The following ZNF407 variants were observed in gnomAD, a reference collection of about 807,000 sequenced individuals.
ZNF407 encodes zinc finger protein 407.
Under a neutral mutation model 131.2 loss-of-function variants are expected in ZNF407, and 17 were observed. That is an observed-to-expected ratio of 0.13 (90% CI 0.09 to 0.19). The LOEUF is 0.19. Among genes scored for constraint, ZNF407 ranks in the 10% least tolerant of loss-of-function variants. The probability of loss-of-function intolerance (pLI) is 1.00; values close to 1 mark genes in which losing one functional copy is unlikely to be tolerated. For synonymous variants in ZNF407, 1,156 were observed against 1,062.0 expected, an observed-to-expected ratio of 1.09 and a Z score of -1.72; for missense variants, 2,681 against 2,830.6, an observed-to-expected ratio of 0.95 and a Z score of 1.20.
rs899632606 is a variant in ZNF407, at chr18:74,910,079, C to A, written c.5250-10435C>A. Among the ~76,000 whole-genome samples the A allele has an allele frequency of 4.6e-5, 7 of 152,212 alleles. No homozygotes were observed. In the East Asian group the frequency reaches 1.4e-3, roughly 29 times the overall value. On this transcript the variant is annotated intron_variant, in intron 7 of 8. Transcript: ENST00000299687. ...GTGTTACATGATTGGGCACATGTAGCTGGAGACAGAATCTCTAGTGACAAC... is the reference window on the plus strand; with the variant it reads ...GTGTTACATGATTGGGCACATGTAGATGGAGACAGAATCTCTAGTGACAAC...
At chr18:74,797,014 A>G (rs1352147182) in intron 4 of ZNF407, among the ~76,000 whole-genome samples, 1 of 152,194 alleles carries the variant, frequency 6.6e-6, no homozygotes, top group Non-Finnish European at 1.5e-5. Flanking sequence ...ACCTCAAGGA[A>G]TGGAATGGTA....
chr18:75,058,340 G>A (rs1234587556), intron 8 of ZNF407, among the ~76,000 whole-genome samples: 8 of 152,114 alleles, frequency 5.3e-5, no homozygotes, highest in Admixed American at 1.3e-4. Flanking sequence ...CAATGCATTC[G>A]GCTCTGAGAA....
intron 3 of ZNF407, among the ~76,000 whole-genome samples, chr18:74,656,141 A>G (rs921829916): frequency 6.6e-6 from 1 of 152,142 alleles, no homozygotes; most frequent in African/African-American, 2.4e-5. Context: ...ATTGTAACTA[A>G]TTAAAAGAAA....
chr18:74,970,194 G>T (rs373243457), intron 8 of ZNF407, among the ~76,000 whole-genome samples: 10 of 148,910 alleles, frequency 6.7e-5, no homozygotes, highest in South Asian at 6.5e-4. Context: ...CCCACAACAC[G>T]TGGGAATTCT....
At chr18:74,902,756 G>T (rs991803768) in intron 7 of ZNF407, among the ~76,000 whole-genome samples, 1 of 152,178 alleles carries the variant, frequency 6.6e-6, no homozygotes, top group Non-Finnish European at 1.5e-5. Context: ...TAGACTTAGG[G>T]AGCTCTGTAC....
chr18:74,601,531 C>T (rs1230510893), intron 1 of ZNF407, among the ~76,000 whole-genome samples: 3 of 152,206 alleles, frequency 2.0e-5, no homozygotes, highest in Non-Finnish European at 2.9e-5. Flanking sequence ...CACTGGCTCG[C>T]GGTTCTGCAG....
intron 8 of ZNF407, among the ~76,000 whole-genome samples, chr18:74,992,673 T>G (rs1246411857): frequency 2.0e-5 from 3 of 152,180 alleles, no homozygotes; most frequent in African/African-American, 7.2e-5. Context: ...CCTGGGACAG[T>G]TGGAGTTTGT....
chr18:74,696,716 G>T (rs1048090027), intron 3 of ZNF407, among the ~76,000 whole-genome samples: 1 of 152,056 alleles, frequency 6.6e-6, no homozygotes. Flanking sequence ...ATCAAAACTG[G>T]CAGTGGGTGC....
chr18:74,675,957 C>T (rs4380127), intron 3 of ZNF407, among the ~76,000 whole-genome samples: 159 of 152,044 alleles, frequency 1.0e-3, no homozygotes, highest in African/African-American at 3.6e-3. Context: ...AGTTGTTTTA[C>T]ACATCATTTA....
At chr18:74,810,890 T>C (rs1481002735) in intron 4 of ZNF407, among the ~76,000 whole-genome samples, 1 of 152,104 alleles carries the variant, frequency 6.6e-6, no homozygotes, top group African/African-American at 2.4e-5. Context: ...CCTAAAACCA[T>C]AAAAACCCTA....
intron 3 of ZNF407, among the ~76,000 whole-genome samples, chr18:74,648,108 A>G (rs1985058228): frequency 1.3e-5 from 2 of 152,164 alleles, no homozygotes; most frequent in South Asian, 4.1e-4. Context: ...TTTAGGGTTA[A>G]AAAGGTCAAA....
At chr18:74,964,269 A>G (rs991178661) in intron 8 of ZNF407, among the ~76,000 whole-genome samples, 1 of 152,198 alleles carries the variant, frequency 6.6e-6, no homozygotes, top group African/African-American at 2.4e-5. Context: ...GTGAGGGATC[A>G]TGTTATAGGG....
chr18:75,047,836 C>A (rs1466162614), intron 8 of ZNF407, among the ~76,000 whole-genome samples: 3 of 152,192 alleles, frequency 2.0e-5, no homozygotes, highest in Non-Finnish European at 2.9e-5. Flanking sequence ...GGAATTAATT[C>A]GGTACTGTCA....
chr18:74,730,212 G>A (rs866765519), intron 3 of ZNF407, among the ~76,000 whole-genome samples: 13 of 152,110 alleles, frequency 8.5e-5, no homozygotes, highest in Middle Eastern at 3.2e-3. Flanking sequence ...AGCTCTACAG[G>A]TTACTTGTAG....
chr18:74,842,600 ATGTG>A (rs10533228), intron 4 of ZNF407, among the ~76,000 whole-genome samples: 140,192 of 150,396 alleles, frequency 0.93, 65,732 homozygotes, highest in Non-Finnish European at 0.99. Flanking sequence ...TTCCCTAGTG[ATGTG>A]TGTGTGTGTG....
intron 4 of ZNF407, 35 bp downstream of exon 4, chr18:74,781,537 CA>C (rs1317988131): frequency 5.6e-6 from 8 of 1,424,128 alleles, no homozygotes; most frequent in Non-Finnish European, 7.5e-6. Context: ...TTTAAAAATA[CA>C]ATTTGATTTT....
intron 4 of ZNF407, among the ~76,000 whole-genome samples, chr18:74,859,528 G>A (rs1419946769): frequency 2.6e-5 from 4 of 152,128 alleles, no homozygotes; most frequent in Non-Finnish European, 5.9e-5. Flanking sequence ...AATTTAACTC[G>A]AGATGGATTT....
chr18:74,713,280 A>G (rs1415981726), intron 3 of ZNF407, among the ~76,000 whole-genome samples: 2 of 152,096 alleles, frequency 1.3e-5, no homozygotes, highest in South Asian at 2.1e-4. Flanking sequence ...CAATTTATAC[A>G]TTAAAAAATC....
intron 4 of ZNF407, among the ~76,000 whole-genome samples, chr18:74,786,887 C>A (rs1969728505): frequency 7.6e-6 from 1 of 132,284 alleles, no homozygotes; most frequent in South Asian, 2.5e-4. Context: ...CTCACTGTGA[C>A]CTCCGCCTCC....
Sources: allele counts gnomAD v4.1 joint callset (sites outside exome capture counted in the v4.1 genomes callset), GRCh38; gene constraint gnomAD v4.1.1; transcripts MANE v1.5; gene names NCBI Gene and HGNC (gene_info 2026-07-23, HGNC 2026-07-21).